SLC35D1: variants seen among roughly 807,000 people sequenced by gnomAD.
SLC35D1 encodes the protein solute carrier family 35 member D1.
Under a neutral mutation model 46.7 loss-of-function variants are expected in SLC35D1, and 31 were observed. The observed-to-expected ratio is 0.66, with a 90% CI of 0.50 to 0.90. SLC35D1 has a LOEUF of 0.90. Among genes scored for constraint, SLC35D1 ranks in the 40% least tolerant of loss-of-function variants. The pLI, the probability that SLC35D1 is intolerant of heterozygous loss-of-function variation, is 0.00. For synonymous variants in SLC35D1, 195 were observed against 164.6 expected (o/e 1.18, Z -1.41); for missense variants, 397 against 426.2 (o/e 0.93, Z 0.60).
At chr1:67,025,323 T>C (rs767501455) in intron 8 of SLC35D1, among the ~76,000 whole-genome samples, 4 of 152,340 alleles carry the variant, frequency 2.6e-5, no homozygotes, top group East Asian at 1.9e-4. Flanking sequence ...TCTACCAACA[T>C]TTGCTGAAGA....
the SLC35D1 span, chr1:66,985,996 G>C: frequency 7.1e-6 from 7 of 989,316 alleles, no homozygotes; most frequent in Non-Finnish European, 8.4e-6. Flanking sequence ...ATGCTGACCA[G>C]AATCCTGTTA....
chr1:67,004,388 C>A lies in SLC35D1; in HGVS notation c.1020G>T (p.Gln340His). 1 of 1,614,080 alleles carries A rather than the reference C, an allele frequency of 6.2e-7. No individual in the cohort carries two copies. Among genetic ancestry groups the A allele is most frequent in the Non-Finnish European group, 8.5e-7 (1 of 1,179,962 alleles). The change falls in exon 12 of 12, where the codon CAG becomes CAT. Residue 340 changes from glutamine (Q) to histidine (H), a missense_variant. Transcript: ENST00000235345. ...TGTCCAGCTTGTTATTAGCCTCTGA[C>A]TGTTTGCTCAGCTGCTCTTCAGTGA... The part of the protein sequence containing the change: ...ITFTEEQLSK[Q>H]SEANNKLDIK...
At chr1:66,992,923 A>G in the SLC35D1 span, among the ~76,000 whole-genome samples, 3 of 152,280 alleles carry the variant, frequency 2.0e-5, no homozygotes, top group Non-Finnish European at 4.4e-5. Context: ...AGCACTAATT[A>G]TAAAACAATC....
the SLC35D1 span, among the ~76,000 whole-genome samples, chr1:66,990,802 C>G: frequency 6.6e-6 from 1 of 152,168 alleles, no homozygotes; most frequent in Admixed American, 6.5e-5. Context: ...AAAGAAGTCT[C>G]ATAGCACTTG....
chr1:66,998,253 C>T (rs565236495), downstream of SLC35D1, among the ~76,000 whole-genome samples: 2 of 152,030 alleles, frequency 1.3e-5, no homozygotes, highest in Non-Finnish European at 2.9e-5. Context: ...CTTTGGGAGT[C>T]GGAGGCAGGT....
intron 7 of SLC35D1, among the ~76,000 whole-genome samples, chr1:67,046,264 C>A (rs930794793): frequency 6.6e-6 from 1 of 152,150 alleles, no homozygotes; most frequent in Non-Finnish European, 1.5e-5. Flanking sequence ...CTGGCCAAGG[C>A]AAGATCAATT....
At chr1:66,984,704 CAG>C in the SLC35D1 span, 1 of 1,613,858 alleles carries the variant, frequency 6.2e-7, no homozygotes, top group Non-Finnish European at 8.5e-7. Context: ...GGTTATGAAA[CAG>C]ATAACCTTAC....
rs1190108847 is a variant in SLC35D1 at position 67,053,899 on chromosome 1, C to T, written c.115G>A (p.Val39Met). 1.2e-6 allele frequency: 2 copies of T among 1,613,822 alleles called. No individual in the cohort carries two copies. The highest frequency in any genetic ancestry group is 1.7e-6 in the Non-Finnish European group (2 of 1,179,768). ...LGMASAETLTVFLKLLAAGFY... is the reference protein window; with the variant it reads ...LGMASAETLTMFLKLLAAGFY... ...CCGGCGGCCAGCAGCTTCAGAAACA[C>T]GGTCAGCGTTTCGGCCGACGCCATC... Residue 39 changes from valine to methionine, a missense_variant, in exon 1 of 12, where the codon GTG becomes ATG. Physicochemically the swap from Val to Met is conservative, Grantham distance 21. Transcript: ENST00000235345.
chr1:67,014,926 C>G (rs141120042), intron 10 of SLC35D1, among the ~76,000 whole-genome samples: 316 of 151,258 alleles, frequency 2.1e-3, no homozygotes, highest in African/African-American at 7.2e-3. Flanking sequence ...ATTAACTCCT[C>G]CAGGCATTGT....
At chr1:67,020,471 A>G in intron 9 of SLC35D1, 24 bp from the exon 10 acceptor site, 1 of 1,526,510 alleles carries the variant, frequency 6.6e-7, no homozygotes. Flanking sequence ...AGAGGTATAA[A>G]ATCCAGTTTC....
At chr1:66,981,661 G>T in the SLC35D1 span, 1 of 732,992 alleles carries the variant, frequency 1.4e-6, no homozygotes, top group Non-Finnish European at 2.2e-6. Context: ...TGAAGCACTG[G>T]AATGAATGTT....
rs551922852 is a variant in SLC35D1 at position 67,006,008 on chromosome 1, TA to T, written c.960-1561del. 1.2e-3 allele frequency among the ~76,000 whole-genome samples: 175 copies of T among 151,908 alleles called. 2 individuals carry two copies. The highest frequency in any genetic ancestry group is 2.7e-3 in the East Asian group (14 of 5,176). On this transcript the variant is annotated intron_variant, in intron 11 of 11. Coordinates refer to ENST00000235345, the MANE Select transcript of SLC35D1 (RefSeq NM_015139.3). ...TCATGAACCCAATTCTTACACTTTT[TA>T]TTGTCTTTCCCCCCCTTTCTGTGGA...
the SLC35D1 span, chr1:66,984,633 A>G: frequency 6.2e-7 from 1 of 1,613,508 alleles, no homozygotes; most frequent in Non-Finnish European, 8.5e-7. Flanking sequence ...TTGAAGGGTT[A>G]CACATTAATG....
the SLC35D1 span, among the ~76,000 whole-genome samples, chr1:66,978,332 CTAAAGCCCACAGTA>C: frequency 6.6e-6 from 1 of 152,196 alleles, no homozygotes; most frequent in Non-Finnish European, 1.5e-5. Flanking sequence ...GTCAAATGCT[CTAAAGCCCACAGTA>C]AAACAATCTG....
rs1307255659 is a variant in SLC35D1 at position 67,002,253 on chromosome 1, T to C, written c.*2087A>G. On this transcript the variant is annotated 3_prime_UTR_variant, in exon 12 of 12. Transcript: ENST00000235345. Reference sequence around the variant, plus strand: ...AACTAAAGTCAGCCTGGAAGTGGGATAAGGGTTCCAGGACAGGGTAAGCTG... The same window carrying C: ...AACTAAAGTCAGCCTGGAAGTGGGACAAGGGTTCCAGGACAGGGTAAGCTG... 6.6e-6 allele frequency: 1 copy of C among 152,364 alleles called. No individual in the cohort carries two copies. Among genetic ancestry groups the C allele is most frequent in the Non-Finnish European group, 1.5e-5 (1 of 68,052 alleles). The allele number at this position is 152,364 out of a possible 1,614,324, so 9.4% of individuals were successfully genotyped here. A position where few individuals can be genotyped will look rare whatever the true frequency, so the allele number is the denominator to read the frequency against.
the SLC35D1 span, among the ~76,000 whole-genome samples, chr1:66,981,433 TC>T: frequency 2.6e-5 from 4 of 152,222 alleles, no homozygotes; most frequent in African/African-American, 9.6e-5. Flanking sequence ...GTACAGAAAT[TC>T]TTTTGTACTT....
chr1:66,981,471 A>T, the SLC35D1 span, among the ~76,000 whole-genome samples: 1 of 152,162 alleles, frequency 6.6e-6, no homozygotes, highest in East Asian at 1.9e-4. Context: ...CTATCACTTC[A>T]GTTAAGAGAT....
the SLC35D1 span, among the ~76,000 whole-genome samples, chr1:66,989,240 G>A: frequency 1.1e-4 from 17 of 152,254 alleles, no homozygotes; most frequent in East Asian, 2.3e-3. Context: ...CTGAAGTTTG[G>A]AAGAGAGGAC....
At chr1:67,016,269 T>C (rs1286492097) in intron 10 of SLC35D1, among the ~76,000 whole-genome samples, 1 of 152,148 alleles carries the variant, frequency 6.6e-6, no homozygotes, top group African/African-American at 2.4e-5. Flanking sequence ...TTGTTAACTA[T>C]TCTAAGACTT....
Sources: allele counts gnomAD v4.1 joint callset (sites outside exome capture counted in the v4.1 genomes callset), GRCh38; gene constraint gnomAD v4.1.1; transcripts MANE v1.5; gene names NCBI Gene and HGNC (gene_info 2026-07-23, HGNC 2026-07-21).